CHRDL1: variants seen among roughly 807,000 people sequenced by gnomAD.
CHRDL1 encodes chordin-like protein 1.
In CHRDL1, 19 loss-of-function variants were observed where a neutral mutation model predicts 40.9. The ratio of observed to expected loss-of-function variants is 0.46; its 90% confidence interval spans 0.32 to 0.68. CHRDL1 has a LOEUF of 0.68. CHRDL1 is among the 30% of genes least tolerant of loss of function. The probability of loss-of-function intolerance (pLI) is 0.03; values close to 1 mark genes in which losing one functional copy is unlikely to be tolerated. For synonymous variants in CHRDL1, 136 were observed against 123.4 expected (o/e 1.10, Z -0.68); for missense variants, 329 against 352.1 (o/e 0.93, Z 0.53).
chrX:110,755,356 A>T (rs2089434916), intron 4 of CHRDL1, among the ~76,000 whole-genome samples: 1 of 112,101 alleles, frequency 8.9e-6, no homozygotes, highest in East Asian at 2.8e-4. Flanking sequence ...TTTCTGGAAG[A>T]GCTGCCTGCA....
chrX:110,766,990 C>G (rs1285668542), intron 2 of CHRDL1, among the ~76,000 whole-genome samples: 1 of 112,016 alleles, frequency 8.9e-6, no homozygotes, highest in African/African-American at 3.2e-5. Context: ...AGACAATCCA[C>G]CACGATCAAG....
At chrX:110,708,797 G>T (rs770884362) in intron 6 of CHRDL1, among the ~76,000 whole-genome samples, 1 of 111,773 alleles carries the variant, frequency 8.9e-6, no homozygotes, top group Non-Finnish European at 1.9e-5. Context: ...TTTCAATGGA[G>T]ATGTGGCTAA....
chrX:110,787,582 G>T lies in CHRDL1; in HGVS notation c.94+4506C>A, dbSNP rs1388089672. Among the ~76,000 whole-genome samples the T allele has an allele frequency of 1.1e-4, 12 of 112,164 alleles. No homozygotes were observed. In the Admixed American group the frequency reaches 1.1e-3, roughly 11 times the overall value. ...GAGGAGGAAAACCCATGCCTTCCTG[G>T]CTGGCTCTCACAATAGAGAAGTTCT... On this transcript the variant is annotated intron_variant, in intron 2 of 11. Transcript: ENST00000372042.
chrX:110,715,393 T>C (rs1022588080), intron 6 of CHRDL1, among the ~76,000 whole-genome samples: 2 of 111,443 alleles, frequency 1.8e-5, no homozygotes, highest in East Asian at 2.8e-4. Flanking sequence ...GTAATTACTA[T>C]ATAAAATATA....
intron 4 of CHRDL1, 42 bp downstream of exon 4, chrX:110,759,619 T>C (rs911933557): frequency 5.4e-6 from 5 of 928,311 alleles, no homozygotes; most frequent in Admixed American, 2.2e-5. Context: ...AAGAGGGAAA[T>C]GGAGAACCAC....
chrX:110,689,246 A>G (rs1231939419), intron 8 of CHRDL1, among the ~76,000 whole-genome samples: 1 of 48,855 alleles, frequency 2.0e-5, no homozygotes, highest in Non-Finnish European at 3.5e-5. Flanking sequence ...ATGCACCACC[A>G]TGCCGTGCTT....
At chrX:110,710,626 A>AGGG (rs781163451) in intron 6 of CHRDL1, among the ~76,000 whole-genome samples, 1,495 of 112,171 alleles carry the variant, frequency 0.013, 13 homozygotes, top group Admixed American at 0.031. Flanking sequence ...CATGCCAAGA[A>AGGG]GGAACATGAT....
intron 4 of CHRDL1, among the ~76,000 whole-genome samples, chrX:110,754,636 TG>T (rs1299423993): frequency 2.7e-5 from 3 of 111,852 alleles, no homozygotes; most frequent in African/African-American, 9.7e-5. Flanking sequence ...GTGTCTCTCT[TG>T]GCAAACCACA....
chrX:110,699,529 A>T (rs768360171), intron 7 of CHRDL1, among the ~76,000 whole-genome samples: 1 of 112,415 alleles, frequency 8.9e-6, no homozygotes, highest in South Asian at 3.7e-4. Context: ...TTATACAGAA[A>T]ATATAAAGTA....
intron 4 of CHRDL1, among the ~76,000 whole-genome samples, chrX:110,751,332 A>G (rs752899880): frequency 1.3e-4 from 15 of 112,320 alleles, no homozygotes; most frequent in African/African-American, 4.8e-4. Context: ...TAGAAATTGA[A>G]TGGCAAAATA....
intron 8 of CHRDL1, among the ~76,000 whole-genome samples, chrX:110,689,955 AT>A (rs2070223077): frequency 2.8e-5 from 2 of 72,601 alleles, no homozygotes; most frequent in Non-Finnish European, 4.5e-5. Flanking sequence ...ATATCTATAT[AT>A]ATCTATATAT....
At chrX:110,693,129 C>CGAGA (rs759644148) in intron 8 of CHRDL1, among the ~76,000 whole-genome samples, 55 of 109,136 alleles carry the variant, frequency 5.0e-4, no homozygotes, top group Middle Eastern at 4.7e-3. Context: ...TGAGTTTCTC[C>CGAGA]TCCCTGACTC....
At chrX:110,677,139 C>A (rs1336680546) in intron 11 of CHRDL1, among the ~76,000 whole-genome samples, 1 of 111,280 alleles carries the variant, frequency 9.0e-6, no homozygotes, top group East Asian at 2.8e-4. Context: ...TCCTCTTAAG[C>A]CCAAACCTGT....
intron 4 of CHRDL1, 48 bp downstream of exon 4, chrX:110,759,613 G>C (rs1167733881): frequency 1.1e-6 from 1 of 882,284 alleles, no homozygotes; most frequent in Non-Finnish European, 1.7e-6. Context: ...TGGGTGAAGA[G>C]GGAAATGGAG....
In CHRDL1 at chrX:110,756,036, C is replaced by A. The variant is rs185309605; in HGVS notation, c.301+3625G>T. 1.4e-3 allele frequency among the ~76,000 whole-genome samples: 156 copies of A among 112,146 alleles called. 1 individual carries two copies. Among genetic ancestry groups the A allele is most frequent in the Admixed American group, 0.014 (145 of 10,568 alleles). ...CTTCCTTTTGTCAAGCTCCACTCCTCTCTGCTATGATTTAAAGCTATTTAC... is the reference window on the plus strand; with the variant it reads ...CTTCCTTTTGTCAAGCTCCACTCCTATCTGCTATGATTTAAAGCTATTTAC... On this transcript the variant is annotated intron_variant, in intron 4 of 11. Transcript: ENST00000372042.
At chrX:110,682,310 A>G in intron 9 of CHRDL1, among the ~76,000 whole-genome samples, 1 of 112,165 alleles carries the variant, frequency 8.9e-6, no homozygotes, top group South Asian at 3.7e-4. Context: ...TGCCAAATGA[A>G]TGGTTGGGAG....
At chrX:110,741,423 G>A (rs1343581387) in intron 4 of CHRDL1, among the ~76,000 whole-genome samples, 1 of 111,321 alleles carries the variant, frequency 9.0e-6, no homozygotes. Flanking sequence ...ACTGCCTGGA[G>A]AGTCCATGGC....
chrX:110,724,415 G>C (rs996252442), intron 4 of CHRDL1, among the ~76,000 whole-genome samples: 1 of 111,355 alleles, frequency 9.0e-6, no homozygotes, highest in Admixed American at 9.5e-5. Flanking sequence ...AAGAGAAAGA[G>C]AGGAAGACAC....
chrX:110,764,041 T>C (rs2089614567), intron 2 of CHRDL1, among the ~76,000 whole-genome samples: 1 of 112,156 alleles, frequency 8.9e-6, no homozygotes, highest in Admixed American at 9.4e-5. Context: ...TGGGCATTTG[T>C]ATATCTTCTT....
Sources: allele counts gnomAD v4.1 joint callset (sites outside exome capture counted in the v4.1 genomes callset), GRCh38; gene constraint gnomAD v4.1.1; transcripts MANE v1.5; gene names NCBI Gene and HGNC (gene_info 2026-07-23, HGNC 2026-07-21).